The following ARSB variants were observed in gnomAD, a reference collection of about 807,000 sequenced individuals.
ARSB encodes N-acetylgalactosamine-4-sulfatase.
Under a neutral mutation model 50.9 loss-of-function variants are expected in ARSB, and 41 were observed. The observed-to-expected ratio is 0.81, with a 90% CI of 0.63 to 1.04. The LOEUF is 1.04. Among genes scored for constraint, ARSB ranks in the 50% least tolerant of loss-of-function variants. The probability of loss-of-function intolerance (pLI) is 0.00; values close to 1 mark genes in which losing one functional copy is unlikely to be tolerated. For synonymous variants in ARSB, 269 were observed against 284.8 expected, an observed-to-expected ratio of 0.94 and a Z score of 0.56; for missense variants, 672 against 693.3, an observed-to-expected ratio of 0.97 and a Z score of 0.35.
chr5:78,812,495 A>G (rs1743845115), intron 6 of ARSB, among the ~76,000 whole-genome samples: 1 of 152,166 alleles, frequency 6.6e-6, no homozygotes, highest in South Asian at 2.1e-4. Context: ...CAATCAAATC[A>G]ATTTGGTAAA....
In ARSB at chr5:78,834,378, C is replaced by T. The variant is rs192527335; in HGVS notation, c.1213+4978G>A. Among the ~76,000 whole-genome samples the T allele has an allele frequency of 5.4e-3, 826 of 151,884 alleles. 12 individuals are homozygous for T. The highest frequency in any genetic ancestry group is 0.019 in the African/African-American group (799 of 41,450). ...TCATCACCATCCATCTCTACACCCA[C>T]TCAACAATCATGCCCCATTCTCCCC... On this transcript the variant is annotated intron_variant, in intron 6 of 7. Transcript: ENST00000264914.
chr5:78,964,563 A>G lies in ARSB; in HGVS notation c.543T>C (p.Cys181=). The G allele has an allele frequency of 6.2e-7, 1 of 1,614,008 alleles. No homozygotes were observed. The highest frequency in any genetic ancestry group is 8.5e-7 in the Non-Finnish European group (1 of 1,179,944). The part of the protein sequence containing the change: ...GSEDYYSHER[C]TLIDALNVTR... ...TGACATTCAGAGCGTCAATTAATGTACAGCGTTCATGGGAATAATAATCTT... is the reference window on the plus strand; with the variant it reads ...TGACATTCAGAGCGTCAATTAATGTGCAGCGTTCATGGGAATAATAATCTT... Residue 181 remains cysteine (C), a synonymous_variant, in exon 3 of 8, where the codon TGT becomes TGC. Transcript: ENST00000264914.
chr5:78,929,557 G>A (rs995374228), intron 4 of ARSB, among the ~76,000 whole-genome samples: 2 of 152,034 alleles, frequency 1.3e-5, no homozygotes, highest in Admixed American at 6.6e-5. Context: ...TTGGGAGGCC[G>A]AGACAGGTGG....
intron 6 of ARSB, among the ~76,000 whole-genome samples, chr5:78,798,732 G>C (rs879429890): frequency 2.0e-5 from 3 of 152,206 alleles, no homozygotes; most frequent in Non-Finnish European, 4.4e-5. Flanking sequence ...ATGGCTGTCA[G>C]GTGGGCCTGC....
At chr5:78,809,570 T>A (rs1743723369) in intron 6 of ARSB, among the ~76,000 whole-genome samples, 1 of 152,242 alleles carries the variant, frequency 6.6e-6, no homozygotes, top group African/African-American at 2.4e-5. Flanking sequence ...GCTCCCCAAG[T>A]CAGCGGCACT....
chr5:78,834,607 GTATA>G (rs58773415), intron 6 of ARSB, among the ~76,000 whole-genome samples: 6,523 of 85,314 alleles, frequency 0.076, 245 homozygotes, highest in Non-Finnish European at 0.087. Flanking sequence ...ATATATATGT[GTATA>G]TATATATATA....
At chr5:78,835,647 C>T (rs147218018) in intron 6 of ARSB, among the ~76,000 whole-genome samples, 8 of 152,236 alleles carry the variant, frequency 5.3e-5, no homozygotes, top group East Asian at 1.9e-4. Flanking sequence ...TATGATCATG[C>T]CTTTGGCAAC....
chr5:78,814,134 G>A (rs1743909996), intron 6 of ARSB, among the ~76,000 whole-genome samples: 1 of 150,810 alleles, frequency 6.6e-6, no homozygotes, highest in African/African-American at 2.5e-5. Context: ...CTCTTCTGTG[G>A]CATAGCTTGA....
rs1229093974 is a variant in ARSB, at chr5:78,814,627, C to T, written c.1213+24729G>A. Among the ~76,000 whole-genome samples the T allele has an allele frequency of 1.3e-5, 2 of 150,826 alleles. 1 individual carries two copies. The highest frequency in any genetic ancestry group is 3.0e-5 in the Non-Finnish European group (2 of 67,740). ...CTGGTTCATCATTTTCTCTGTTACT[C>T]ACTTGCTTCTGTAGCACCCACTGTT... On this transcript the variant is annotated intron_variant, in intron 6 of 7. Coordinates refer to ENST00000264914, the MANE Select transcript of ARSB (RefSeq NM_000046.5).
chr5:78,813,984 C>A (rs1435110173), intron 6 of ARSB, among the ~76,000 whole-genome samples: 36 of 138,466 alleles, frequency 2.6e-4, no homozygotes, highest in African/African-American at 5.3e-4. Context: ...CAAACAGTCT[C>A]CAATAAAAAC....
At chr5:78,906,033 G>A (rs1350935047) in intron 4 of ARSB, among the ~76,000 whole-genome samples, 1 of 151,550 alleles carries the variant, frequency 6.6e-6, no homozygotes, top group Admixed American at 6.6e-5. Context: ...CACCAATGCA[G>A]ATCTTCAACT....
intron 6 of ARSB, among the ~76,000 whole-genome samples, chr5:78,804,095 AG>A (rs928870560): frequency 1.3e-5 from 2 of 152,214 alleles, no homozygotes; most frequent in Non-Finnish European, 2.9e-5. Context: ...TTTCATTTCA[AG>A]GAGCTCACAT....
intron 5 of ARSB, among the ~76,000 whole-genome samples, chr5:78,853,835 A>G (rs1745992163): frequency 1.3e-5 from 2 of 152,194 alleles, no homozygotes; most frequent in African/African-American, 2.4e-5. Flanking sequence ...CAATCAGCGA[A>G]ACTCTGTGGG....
intron 4 of ARSB, among the ~76,000 whole-genome samples, chr5:78,913,853 A>T (rs1251114753): frequency 6.6e-5 from 10 of 152,180 alleles, no homozygotes; most frequent in African/African-American, 2.4e-5. Context: ...TCATGTTTTT[A>T]AAAAAATTTT....
intron 5 of ARSB, among the ~76,000 whole-genome samples, chr5:78,855,419 G>C (rs1205251256): frequency 6.6e-6 from 1 of 152,198 alleles, no homozygotes; most frequent in African/African-American, 2.4e-5. Context: ...GGTGGTGGGA[G>C]GTGGAGCAGC....
At chr5:78,870,977 C>CA (rs1747132497) in intron 5 of ARSB, among the ~76,000 whole-genome samples, 1 of 151,888 alleles carries the variant, frequency 6.6e-6, no homozygotes, top group Non-Finnish European at 1.5e-5. Context: ...TCTCAGGATA[C>CA]AAAATCAATA....
At chr5:78,891,917 T>C (rs1398763311) in intron 4 of ARSB, among the ~76,000 whole-genome samples, 1 of 150,144 alleles carries the variant, frequency 6.7e-6, no homozygotes, top group East Asian at 1.9e-4. Flanking sequence ...CTAATTTCAC[T>C]GAAATGCAGG....
chr5:78,983,688 A>T (rs116813952), intron 1 of ARSB, among the ~76,000 whole-genome samples: 2 of 152,316 alleles, frequency 1.3e-5, no homozygotes, highest in African/African-American at 4.8e-5. Context: ...CCTTGGCTAC[A>T]GCTATTTCTC....
rs539850158 is a variant in ARSB, at chr5:78,827,231, TAG to T, written c.1213+12123_1213+12124del. 2.7e-3 allele frequency among the ~76,000 whole-genome samples: 407 copies of T among 152,236 alleles called. 3 individuals are homozygous for T. Among genetic ancestry groups the T allele is most frequent in the African/African-American group, 9.1e-3 (380 of 41,556 alleles). ...TACTTCTCCTGCCTTTTTTTTGAAA[TAG>T]AGTCTTGCTCTGTCGCCCAGGCTGG... is the stretch of plus-strand genomic sequence containing the variant. On this transcript the variant is annotated intron_variant, in intron 6 of 7. Transcript: ENST00000264914.
Sources: allele counts gnomAD v4.1 joint callset (sites outside exome capture counted in the v4.1 genomes callset), GRCh38; gene constraint gnomAD v4.1.1; transcripts MANE v1.5; gene names NCBI Gene and HGNC (gene_info 2026-07-23, HGNC 2026-07-21).